The following HACD4 variants were observed in gnomAD, a reference collection of about 807,000 sequenced individuals.
The protein encoded by HACD4 is very-long-chain (3R)-3-hydroxyacyl-CoA dehydratase 4.
HACD4 carries 35 observed loss-of-function variants against 33.3 expected under a neutral mutation model. That is an observed-to-expected ratio of 1.05 (90% CI 0.80 to 1.39). The LOEUF is 1.39. Ranked by LOEUF, HACD4 falls within the 40% of genes most tolerant of loss-of-function variation. The probability of loss-of-function intolerance (pLI) is 0.00; values close to 1 mark genes in which losing one functional copy is unlikely to be tolerated. For synonymous variants in HACD4, 118 were observed against 98.0 expected, an observed-to-expected ratio of 1.20 and a Z score of -1.21; for missense variants, 323 against 276.5, an observed-to-expected ratio of 1.17 and a Z score of -1.19.
Position 21,000,109 on chromosome 9 carries a change from C to A in HACD4, c.*6928G>T, listed in dbSNP as rs1842144564. Reference sequence around the variant, plus strand: ...AAGAACCCCATCATTCAGCTGAATACCATGAAGTAACAATAGACACCTACA... The same window carrying A: ...AAGAACCCCATCATTCAGCTGAATAACATGAAGTAACAATAGACACCTACA... On this transcript the variant is annotated 3_prime_UTR_variant, in exon 7 of 7. Coordinates refer to ENST00000495827, the MANE Select transcript of HACD4 (RefSeq NM_001010915.5). 1 of 152,026 alleles carries A rather than the reference C, an allele frequency of 6.6e-6. No individual in the cohort carries two copies. The allele number at this position is 152,026 out of a possible 1,614,324, so 9.4% of individuals were successfully genotyped here. A position where few individuals can be genotyped will look rare whatever the true frequency, so the allele number is the denominator to read the frequency against.
In HACD4 at chr9:21,029,361, TTAAG is replaced by T; in HGVS notation, c.72_75del (p.Tyr24Ter). 6.3e-7 allele frequency: 1 copy of T among 1,597,692 alleles called. No homozygotes were observed. The highest frequency in any genetic ancestry group is 8.6e-7 in the Non-Finnish European group (1 of 1,166,882). On this transcript the variant is annotated frameshift_variant, in exon 2 of 7. Coordinates refer to ENST00000495827, the MANE Select transcript of HACD4 (RefSeq NM_001010915.5). LOFTEE classifies it high-confidence loss of function. Reference sequence around the variant, plus strand: ...ATCCAAGAGTGGCCACAGAACTGGATTAAGTAATAGATGAAAAGATACGCATTCT... The same window carrying T: ...ATCCAAGAGTGGCCACAGAACTGGATTAATAGATGAAAAGATACGCATTCT...
Position 21,029,324 on chromosome 9 carries a change from A to AT in HACD4, c.112dup (p.Met38AsnfsTer15). On this transcript the variant is annotated frameshift_variant, in exon 2 of 7. Transcript: ENST00000495827. LOFTEE classifies it high-confidence loss of function. Reference sequence around the variant, plus strand: ...TCCAAATGAAAAGAATCTGACTGTCATATTTGTAAATATCCAAGAGTGGCC... The same window carrying AT: ...TCCAAATGAAAAGAATCTGACTGTCATTATTTGTAAATATCCAAGAGTGGCC... 6.3e-7 allele frequency: 1 copy of AT among 1,594,758 alleles called. No homozygotes were observed.
At chr9:21,028,513 T>G (rs1377711332) in intron 2 of HACD4, among the ~76,000 whole-genome samples, 2 of 152,204 alleles carry the variant, frequency 1.3e-5, no homozygotes, top group African/African-American at 4.8e-5. Context: ...ACCCTGCAAG[T>G]AGAATAACTT....
In HACD4 at chr9:21,029,530, G is replaced by GT. The variant is rs1212728558; in HGVS notation, c.39-133dup. The GT allele has an allele frequency of 5.8e-6, 3 of 520,944 alleles. No individual in the cohort carries two copies. The Admixed American group carries it at 1.2e-4, about 20-fold the overall frequency. The allele number at this position is 520,944 out of a possible 1,614,324, so 32.3% of individuals were successfully genotyped here. ...CTGTTTCATATCAGTCTTTTATCTG[G>GT]TTACCCCCAAGTACATATCAGATTT... On this transcript the variant is annotated intron_variant, in intron 1 of 6. Coordinates refer to ENST00000495827, the MANE Select transcript of HACD4 (RefSeq NM_001010915.5).
At chr9:21,024,092 TTGTC>T (rs1488312852) in intron 3 of HACD4, among the ~76,000 whole-genome samples, 1 of 152,238 alleles carries the variant, frequency 6.6e-6, no homozygotes, top group Non-Finnish European at 1.5e-5. Flanking sequence ...GGAATTCTAA[TTGTC>T]TGCATAATTC....
intron 3 of HACD4, among the ~76,000 whole-genome samples, chr9:21,019,223 A>T (rs1234416127): frequency 6.6e-6 from 1 of 152,076 alleles, no homozygotes; most frequent in Non-Finnish European, 1.5e-5. Flanking sequence ...TGCCTTCATG[A>T]TATTTATATT....
At chr9:21,023,984 T>G (rs1817998983) in intron 3 of HACD4, among the ~76,000 whole-genome samples, 1 of 152,232 alleles carries the variant, frequency 6.6e-6, no homozygotes, top group African/African-American at 2.4e-5. Context: ...TTTCTTCATT[T>G]AAAAATGGGG....
chr9:21,024,809 C>A (rs557112511), intron 3 of HACD4, among the ~76,000 whole-genome samples: 1 of 152,052 alleles, frequency 6.6e-6, no homozygotes, highest in African/African-American at 2.4e-5. Context: ...AGTAAAAAGG[C>A]CTTTAAAAAA....
At chr9:21,013,868 A>G (rs1842495196) in intron 4 of HACD4, among the ~76,000 whole-genome samples, 2 of 152,176 alleles carry the variant, frequency 1.3e-5, no homozygotes, top group South Asian at 2.1e-4. Context: ...TCATCTGCCA[A>G]TAGAGATAGT....
chr9:21,030,566 A>G (rs1818185340), intron 1 of HACD4, among the ~76,000 whole-genome samples: 1 of 152,244 alleles, frequency 6.6e-6, no homozygotes, highest in South Asian at 2.1e-4. Flanking sequence ...CTTGAGACAC[A>G]GTGTTTTAGT....
rs1359118824 is a variant in HACD4 at position 21,006,548 on chromosome 9, AT to A, written c.*488del. The A allele has an allele frequency of 5.3e-6, 1 of 187,178 alleles. No individual in the cohort carries two copies. Among genetic ancestry groups the A allele is most frequent in the African/African-American group, 2.4e-5 (1 of 41,610 alleles). The allele number at this position is 187,178 out of a possible 1,614,324, so 11.6% of individuals were successfully genotyped here. Reference sequence around the variant, plus strand: ...AACATATCTAATGTTTAGGGTGAGTATTATTAGATCTGAAGACAGACATCTG... The same window carrying A: ...AACATATCTAATGTTTAGGGTGAGTATATTAGATCTGAAGACAGACATCTG... On this transcript the variant is annotated 3_prime_UTR_variant, in exon 7 of 7. Transcript: ENST00000495827. The surrounding 1 kb of genome is among the most constrained non-coding windows in gnomAD (Gnocchi z 4.6).
At chr9:21,012,852 A>G (rs1383015824) in intron 4 of HACD4, among the ~76,000 whole-genome samples, 1 of 152,104 alleles carries the variant, frequency 6.6e-6, no homozygotes, top group African/African-American at 2.4e-5. Context: ...AGATGACCTG[A>G]GGTCAGGGGT....
intron 3 of HACD4, among the ~76,000 whole-genome samples, chr9:21,019,896 C>T (rs117350468): frequency 0.054 from 8,190 of 152,082 alleles, 310 homozygotes; most frequent in South Asian, 0.11. Context: ...TGCAAATAAG[C>T]ACCTGCTTCA....
chr9:21,008,267 C>T (rs1270743103), intron 5 of HACD4, 121 bp from the exon 6 acceptor site: 1 of 896,752 alleles, frequency 1.1e-6, no homozygotes, highest in Non-Finnish European at 1.6e-6. Context: ...GTAATAGTTG[C>T]TGAATCTTTT....
intron 4 of HACD4, chr9:21,015,095 C>A (rs1245941047): frequency 1.3e-5 from 2 of 152,118 alleles, no homozygotes; most frequent in Non-Finnish European, 2.9e-5. Flanking sequence ...ATTCATTTTA[C>A]TTCAGCAAAA....
chr9:21,020,679 G>C (rs1587835002), intron 3 of HACD4, among the ~76,000 whole-genome samples: 1 of 152,036 alleles, frequency 6.6e-6, no homozygotes, highest in East Asian at 1.9e-4. Context: ...TTTCTTTTAT[G>C]CTTCTTTTGG....
At chr9:21,023,175 A>C (rs1231997148) in intron 3 of HACD4, among the ~76,000 whole-genome samples, 1 of 134,870 alleles carries the variant, frequency 7.4e-6, no homozygotes, top group African/African-American at 2.8e-5. Flanking sequence ...CAATGAGAAC[A>C]CTTGGACACA....
chr9:21,000,250 G>C lies in HACD4; in HGVS notation c.*6787C>G, dbSNP rs568042078. 1.3e-5 allele frequency: 2 copies of C among 152,288 alleles called. No homozygotes were observed. Among genetic ancestry groups the C allele is most frequent in the South Asian group, 4.1e-4 (2 of 4,832 alleles). 9.4% of individuals were successfully genotyped at this position (152,288 alleles called of 1,614,324 possible). On this transcript the variant is annotated 3_prime_UTR_variant, in exon 7 of 7. Coordinates refer to ENST00000495827, the MANE Select transcript of HACD4 (RefSeq NM_001010915.5). ...ACCCTTAGCAAAAATAAACTAGTTA[G>C]TAATTCTTACTTGGCATGTTAAAAA...
At chr9:21,023,162 G>A (rs568301599) in intron 3 of HACD4, among the ~76,000 whole-genome samples, 8 of 136,902 alleles carry the variant, frequency 5.8e-5, no homozygotes, top group Non-Finnish European at 9.1e-5. Context: ...GGTGGGAACT[G>A]AACAATGAGA....
Sources: gnomAD v4.1 joint callset for allele counts (sites outside exome capture counted in the v4.1 genomes callset) on GRCh38, gnomAD v4.1.1 for gene constraint, Gnocchi (gnomAD v3.1) non-coding constraint, MANE v1.5 for transcripts, NCBI Gene and HGNC (gene_info 2026-07-23, HGNC 2026-07-21) for gene names.